The following RABL2A variants were observed in gnomAD, a reference collection of about 807,000 sequenced individuals.
The protein encoded by RABL2A is RAB, member of RAS oncogene family like 2A.
A neutral mutation model predicts 30.7 loss-of-function variants in RABL2A; 17 were observed. The observed-to-expected ratio is 0.55, with a 90% CI of 0.38 to 0.83. The LOEUF is 0.83. Among genes scored for constraint, RABL2A ranks in the 40% least tolerant of loss-of-function variants. The pLI is 0.00. For synonymous variants in RABL2A, 64 were observed against 101.8 expected (o/e 0.63, Z 2.24); for missense variants, 155 against 272.6 (o/e 0.57, Z 3.04).
At position 113,642,591 on chromosome 2, in the gene RABL2A, C is replaced by T. The variant is rs563821752; in HGVS notation, c.*462C>T. 5 of 215,196 alleles carry T rather than the reference C, an allele frequency of 2.3e-5. No homozygotes were observed. Among genetic ancestry groups the T allele is most frequent in the Admixed American group, 5.3e-5 (1 of 18,956 alleles). 13.3% of individuals were successfully genotyped at this position (215,196 alleles called of 1,614,324 possible). ...TCTGTGAGGCCCCATCCTTTCCCTA[C>T]GTTTTCTCCCATCTTTTTTCCTCTT... On this transcript the variant is annotated 3_prime_UTR_variant, in exon 9 of 9. Coordinates refer to ENST00000683472, the MANE Select transcript of RABL2A (RefSeq NM_001306158.2).
chr2:113,641,623 T>C, intron 7 of RABL2A, 158 bp from the exon 8 acceptor site: 2 of 911,678 alleles, frequency 2.2e-6, no homozygotes, highest in Non-Finnish European at 3.4e-6. Flanking sequence ...CAGAAGTCCA[T>C]TGACCATACA....
chr2:113,631,144 C>A (rs1680175078), intron 2 of RABL2A, among the ~76,000 whole-genome samples: 2 of 152,144 alleles, frequency 1.3e-5, no homozygotes, highest in South Asian at 4.1e-4. Context: ...ATCTGTCTGC[C>A]TTGGCCTCCC....
In RABL2A at chr2:113,632,905, C is replaced by T; in HGVS notation, c.108-10C>T. ...ACGCCATCTGACCACCTTGCCTGTTCTGCTTACAGACTCATGGAGAGATTT... is the reference window on the plus strand; with the variant it reads ...ACGCCATCTGACCACCTTGCCTGTTTTGCTTACAGACTCATGGAGAGATTT... On this transcript the variant is annotated splice_polypyrimidine_tract_variant and intron_variant, in intron 2 of 8. Transcript: ENST00000683472. The T allele has an allele frequency of 6.2e-7, 1 of 1,614,194 alleles. No individual in the cohort carries two copies. The highest frequency in any genetic ancestry group is 8.5e-7 in the Non-Finnish European group (1 of 1,180,030).
intron 5 of RABL2A, chr2:113,638,073 C>A (rs1041548004): frequency 5.2e-5 from 51 of 985,288 alleles, no homozygotes; most frequent in Non-Finnish European, 8.4e-6. Flanking sequence ...CCTCAGCTCT[C>A]AAAACAAGGA....
rs555833577 is a variant in RABL2A, at chr2:113,637,524, G to A, written c.297+2394G>A. 7.7e-4 allele frequency: 920 copies of A among 1,197,750 alleles called. 2 individuals are homozygous for A. The highest frequency in any genetic ancestry group is 1.2e-3 in the Admixed American group (33 of 27,524). 74.2% of individuals were successfully genotyped at this position (1,197,750 alleles called of 1,614,324 possible). ...CAGATACCAGTGGTGAGGACAGTGA[G>A]GATTCTTCCCTTCTGACCCTTTGCA... On this transcript the variant is annotated intron_variant, in intron 5 of 8. Coordinates refer to ENST00000683472, the MANE Select transcript of RABL2A (RefSeq NM_001306158.2).
chr2:113,640,165 G>A (rs1394914378), intron 5 of RABL2A: 1 of 64,330 alleles, frequency 1.6e-5, no homozygotes. Context: ...ATAAATAAAA[G>A]TAAATAGTAA....
chr2:113,636,117 C>A (rs968828679), intron 5 of RABL2A, among the ~76,000 whole-genome samples: 7 of 151,480 alleles, frequency 4.6e-5, no homozygotes, highest in African/African-American at 1.5e-4. Context: ...TAAAAAAAAC[C>A]CACATTTTCA....
At chr2:113,635,959 T>G (rs1481922550) in intron 5 of RABL2A, among the ~76,000 whole-genome samples, 2 of 150,694 alleles carry the variant, frequency 1.3e-5, no homozygotes, top group African/African-American at 2.5e-5. Context: ...ATACAAAAAA[T>G]TAGCCGGGCA....
Position 113,642,471 on chromosome 2 carries a change from GTGTTTT to G in RABL2A, c.*355_*360del, listed in dbSNP as rs369705169. 5.7e-6 allele frequency: 2 copies of G among 352,236 alleles called. No homozygotes were observed. Among genetic ancestry groups the G allele is most frequent in the Non-Finnish European group, 1.0e-5 (2 of 191,276 alleles). The allele number at this position is 352,236 out of a possible 1,614,324, so 21.8% of individuals were successfully genotyped here. On this transcript the variant is annotated 3_prime_UTR_variant, in exon 9 of 9. Transcript: ENST00000683472. ...ATACAGGAAATTTAGGTGTTTTTTG[GTGTTTT>G]TGTTTTTGTTTTCTTTCCAAAGCTC...
chr2:113,634,665 G>C (rs1282945535), intron 4 of RABL2A: 2 of 410,248 alleles, frequency 4.9e-6, no homozygotes, highest in Non-Finnish European at 9.2e-6. Context: ...TCCTTGGCCG[G>C]GCACACAGCC....
intron 4 of RABL2A, 90 bp downstream of exon 4, chr2:113,634,322 T>G: frequency 6.5e-7 from 1 of 1,531,052 alleles, no homozygotes; most frequent in Non-Finnish European, 8.8e-7. Context: ...AAGGAGAGAG[T>G]CCAGAGGGAG....
At chr2:113,628,377 T>A (rs1678936594) in intron 1 of RABL2A, 177 bp from the exon 2 acceptor site, 2 of 449,038 alleles carry the variant, frequency 4.5e-6, no homozygotes, top group African/African-American at 3.3e-5. Context: ...TAACTATTTG[T>A]GTATAACATA....
intron 5 of RABL2A, among the ~76,000 whole-genome samples, chr2:113,638,926 A>G (rs1684007818): frequency 6.6e-6 from 1 of 152,114 alleles, no homozygotes; most frequent in African/African-American, 2.4e-5. Context: ...AAATAGGTAA[A>G]AACAAATTAT....
At chr2:113,631,850 A>G (rs967257779) in intron 2 of RABL2A, among the ~76,000 whole-genome samples, 4 of 151,802 alleles carry the variant, frequency 2.6e-5, no homozygotes, top group Non-Finnish European at 5.9e-5. Flanking sequence ...TCTGAGCTTG[A>G]GTCTTTTTCA....
In RABL2A at chr2:113,641,670, A is replaced by C. The variant is rs954008949; in HGVS notation, c.508-111A>C. 1.4e-4 allele frequency: 88 copies of C among 619,866 alleles called. 1 individual carries two copies. Among genetic ancestry groups the C allele is most frequent in the Non-Finnish European group, 2.1e-4 (75 of 352,954 alleles). 38.4% of individuals were successfully genotyped at this position (619,866 alleles called of 1,614,324 possible). A position where few individuals can be genotyped will look rare whatever the true frequency, so the allele number is the denominator to read the frequency against. ...GACGGGGAGAGGCAAATGGAGGGGT[A>C]AGGTTGCTGATTTTAGGAATGGAGT... On this transcript the variant is annotated intron_variant, in intron 7 of 8. Coordinates refer to ENST00000683472, the MANE Select transcript of RABL2A (RefSeq NM_001306158.2).
chr2:113,629,288 C>T (rs939094838), intron 2 of RABL2A, among the ~76,000 whole-genome samples: 8 of 152,168 alleles, frequency 5.3e-5, no homozygotes, highest in African/African-American at 9.7e-5. Flanking sequence ...TGTCCATTTC[C>T]GCCTTCATAG....
intron 5 of RABL2A, chr2:113,637,290 A>G (rs1470940380): frequency 1.1e-6 from 1 of 907,224 alleles, no homozygotes; most frequent in African/African-American, 1.8e-5. Context: ...AACTCTGCTC[A>G]TTTTTCAGGC....
At chr2:113,629,833 C>T (rs556972506) in intron 2 of RABL2A, among the ~76,000 whole-genome samples, 113 of 152,220 alleles carry the variant, frequency 7.4e-4, no homozygotes, top group African/African-American at 2.6e-3. Flanking sequence ...CCACCGCGCC[C>T]GGCCTCTGGT....
intron 3 of RABL2A, chr2:113,633,703 A>T (rs1681339902): frequency 4.5e-6 from 1 of 222,160 alleles, no homozygotes; most frequent in African/African-American, 2.2e-5. Context: ...TCACACATAG[A>T]CAGACTCCAA....
Sources: gnomAD v4.1 joint callset for allele counts (sites outside exome capture counted in the v4.1 genomes callset) on GRCh38, gnomAD v4.1.1 for gene constraint, MANE v1.5 for transcripts, NCBI Gene and HGNC (gene_info 2026-07-23, HGNC 2026-07-21) for gene names.